Variants in SRR observed in about 807,000 individuals in gnomAD.
SRR encodes the protein D-serine ammonia-lyase.
A neutral mutation model predicts 32.7 loss-of-function variants in SRR; 19 were observed. That is an observed-to-expected ratio of 0.58 (90% CI 0.40 to 0.85). The LOEUF (loss-of-function observed/expected upper bound fraction) is 0.85, where lower values mean the gene tolerates loss of function less well. Among genes scored for constraint, SRR ranks in the 40% least tolerant of loss-of-function variants. The pLI is 0.00. For synonymous variants in SRR, 142 were observed against 140.9 expected (o/e 1.01, Z -0.06); for missense variants, 373 against 404.7 (o/e 0.92, Z 0.67).
intron 1 of SRR, among the ~76,000 whole-genome samples, chr17:2,314,666 T>C (rs543771884): frequency 7.1e-4 from 106 of 149,886 alleles, no homozygotes; most frequent in African/African-American, 2.4e-3. Flanking sequence ...AGCAGGAGAA[T>C]CGCTTGAACC....
Position 2,325,051 on chromosome 17 carries a change from T to C in SRR, c.*1178T>C, listed in dbSNP as rs1300946928. On this transcript the variant is annotated 3_prime_UTR_variant, in exon 8 of 8. Transcript: ENST00000344595. ...AATGATGTATAACAAAACCATACTT[T>C]TTCTCATCAGTTGTTACAAGGAAAG... 12 of 605,474 alleles carry C rather than the reference T, an allele frequency of 2.0e-5. No individual in the cohort carries two copies. The Admixed American group carries it at 2.1e-4, about 11-fold the overall frequency. The allele number at this position is 605,474 out of a possible 1,614,324, so 37.5% of individuals were successfully genotyped here. A position where few individuals can be genotyped will look rare whatever the true frequency, so the allele number is the denominator to read the frequency against.
intron 4 of SRR, among the ~76,000 whole-genome samples, chr17:2,321,102 A>G (rs561541572): frequency 7.2e-5 from 11 of 152,266 alleles, no homozygotes; most frequent in Admixed American, 1.3e-4. Context: ...TTGCACTTAG[A>G]CATACCATAT....
At chr17:2,303,784 A>G (rs1313253450), upstream of SRR, 5 of 1,307,276 alleles carry the variant, frequency 3.8e-6, no homozygotes, top group African/African-American at 4.7e-5. Context: ...GGAAACCACC[A>G]CAGACGGGCG....
chr17:2,323,451 A>C, intron 7 of SRR, 106 bp downstream of exon 7: 1 of 1,325,098 alleles, frequency 7.5e-7, no homozygotes, highest in Non-Finnish European at 1.1e-6. Context: ...TGACTAGGTA[A>C]CTTCATGACA....
intron 1 of SRR, among the ~76,000 whole-genome samples, chr17:2,311,672 TC>T (rs1454514344): frequency 2.6e-5 from 4 of 152,134 alleles, no homozygotes; most frequent in African/African-American, 9.7e-5. Context: ...CATTTATACA[TC>T]TTTACAATGG....
chr17:2,307,330 T>C, intron 1 of SRR: 4 of 1,058,214 alleles, frequency 3.8e-6, no homozygotes, highest in South Asian at 1.2e-5. Flanking sequence ...GAGTGCTTCA[T>C]CCAGCCAAAG....
At chr17:2,306,215 C>T (rs965080307) in intron 1 of SRR, among the ~76,000 whole-genome samples, 4 of 151,734 alleles carry the variant, frequency 2.6e-5, no homozygotes, top group Non-Finnish European at 5.9e-5. Context: ...ACTTGGGACG[C>T]TCAGGCAGGA....
At chr17:2,304,952 T>TCC (rs1214903488) in intron 1 of SRR, among the ~76,000 whole-genome samples, 1 of 152,156 alleles carries the variant, frequency 6.6e-6, no homozygotes, top group Non-Finnish European at 1.5e-5. Context: ...GCCTCCTGCC[T>TCC]CCACCTGTTG....
chr17:2,303,874 A>C (rs2075350054), upstream of SRR: 1 of 471,370 alleles, frequency 2.1e-6, no homozygotes, highest in Non-Finnish European at 3.5e-6. Flanking sequence ...CCGCGCTGGG[A>C]GGAAAAGCGC....
chr17:2,312,090 G>A (rs2075437359), intron 1 of SRR, among the ~76,000 whole-genome samples: 1 of 151,666 alleles, frequency 6.6e-6, no homozygotes, highest in Non-Finnish European at 1.5e-5. Context: ...GTGGTGCACA[G>A]TCATAGTCCC....
At position 2,325,194 on chromosome 17, in the gene SRR, A is replaced by G; in HGVS notation, c.*1321A>G. The G allele has an allele frequency of 1.2e-6, 1 of 802,506 alleles. No homozygotes were observed. The highest frequency in any genetic ancestry group is 2.5e-5 in the East Asian group (1 of 39,936). The allele number at this position is 802,506 out of a possible 1,614,324, so 49.7% of individuals were successfully genotyped here. The stretch of plus-strand genomic sequence containing the variant: ...GAAGACTTACTGTATTTTGAAAACC[A>G]TCATTACCTTCTCCATACCATTTGG... On this transcript the variant is annotated 3_prime_UTR_variant, in exon 8 of 8. Transcript: ENST00000344595.
At chr17:2,316,695 G>A (rs868212236) in intron 2 of SRR, among the ~76,000 whole-genome samples, 7 of 151,918 alleles carry the variant, frequency 4.6e-5, no homozygotes, top group Non-Finnish European at 1.0e-4. Flanking sequence ...TGACCAACAT[G>A]ATGAAACGCT....
intron 6 of SRR, chr17:2,322,857 C>G (rs2075544431): frequency 7.7e-6 from 3 of 391,946 alleles, no homozygotes; most frequent in Admixed American, 3.8e-5. Context: ...CTACCCCTCC[C>G]AAGTTCAAGT....
At chr17:2,322,842 G>T (rs7216291) in intron 6 of SRR, 102,638 of 377,150 alleles carry the variant, frequency 0.27, 14,625 homozygotes, top group Admixed American at 0.38. Context: ...TCAGCTCACT[G>T]CAACCTACCC....
At chr17:2,307,280 A>G (rs941723590) in intron 1 of SRR, 2 of 1,144,950 alleles carry the variant, frequency 1.7e-6, no homozygotes, top group African/African-American at 1.5e-5. Flanking sequence ...AATGGCCACA[A>G]CTGTGAAATT....
chr17:2,313,845 G>A (rs2075451157), intron 1 of SRR, among the ~76,000 whole-genome samples: 1 of 152,158 alleles, frequency 6.6e-6, no homozygotes, highest in South Asian at 2.1e-4. Flanking sequence ...AAAGAGTTTT[G>A]TCTGCATATG....
In SRR at chr17:2,315,589, C is replaced by A; in HGVS notation, c.29C>A (p.Ala10Asp). 6.2e-7 allele frequency: 1 copy of A among 1,613,904 alleles called. No individual in the cohort carries two copies. Among genetic ancestry groups the A allele is most frequent in the Non-Finnish European group, 8.5e-7 (1 of 1,179,946 alleles). MCAQYCISF[A>D]DVEKAHINIR... ...TGTGCTCAGTATTGCATCTCCTTTGCTGATGTTGAAAAAGCTCATATCAAC... is the reference window on the plus strand; with the variant it reads ...TGTGCTCAGTATTGCATCTCCTTTGATGATGTTGAAAAAGCTCATATCAAC... Residue 10 changes from alanine (A) to aspartate (D), a missense_variant, in exon 2 of 8, where the codon GCT becomes GAT. By Grantham distance (126) the Ala-to-Asp change is moderately radical. Transcript: ENST00000344595.
rs763112923 is a variant in SRR, at chr17:2,307,460, G to A, written c.-5+3443G>A. ...GGTGGCTTTGGTGGCAGCTGTGGTG[G>A]TGGTGGATATCGTGCAGTGGGGATG... On this transcript the variant is annotated intron_variant, in intron 1 of 7. Coordinates refer to ENST00000344595, the MANE Select transcript of SRR (RefSeq NM_021947.3). 245 of 1,436,824 alleles carry A rather than the reference G, an allele frequency of 1.7e-4. No individual in the cohort carries two copies. In the Middle Eastern group the frequency reaches 1.9e-3, roughly 11 times the overall value. 89.0% of individuals were successfully genotyped at this position (1,436,824 alleles called of 1,614,324 possible).
At chr17:2,306,789 C>T (rs373242596) in intron 1 of SRR, 8 of 703,156 alleles carry the variant, frequency 1.1e-5, no homozygotes, top group African/African-American at 8.7e-5. Flanking sequence ...CTAAAGAGCT[C>T]GTACAGCTGA....
Sources: gnomAD v4.1 joint callset for allele counts (sites outside exome capture counted in the v4.1 genomes callset) on GRCh38, gnomAD v4.1.1 for gene constraint, MANE v1.5 for transcripts, NCBI Gene and HGNC (gene_info 2026-07-23, HGNC 2026-07-21) for gene names.